Variants in EP400 observed in about 807,000 individuals in gnomAD.
EP400 encodes E1A-binding protein p400.
In EP400, 105 loss-of-function variants were observed where a neutral mutation model predicts 354.1. The ratio of observed to expected loss-of-function variants is 0.30; its 90% CI spans 0.25 to 0.35. The LOEUF (loss-of-function observed/expected upper bound fraction) is 0.35, where lower values mean the gene tolerates loss of function less well. Among genes scored for constraint, EP400 ranks in the 10% least tolerant of loss-of-function variants. The pLI, the probability that EP400 is intolerant of heterozygous loss-of-function variation, is 1.00. For missense variants in EP400, 3,280 were observed against 4,121.0 expected, an observed-to-expected ratio of 0.80 and a Z score of 5.59; for synonymous variants, 1,646 against 1,716.9, an observed-to-expected ratio of 0.96 and a Z score of 1.02.
intron 15 of EP400, among the ~76,000 whole-genome samples, chr12:132,010,639 C>G (rs1258516778): frequency 6.6e-6 from 1 of 152,188 alleles, no homozygotes; most frequent in Non-Finnish European, 1.5e-5. Context: ...CTCTAATAAT[C>G]TTTAAAAACC....
In EP400 at chr12:132,064,738, C is replaced by G; in HGVS notation, c.8405C>G (p.Ser2802Cys). 1 of 1,613,696 alleles carries G rather than the reference C, an allele frequency of 6.2e-7. No individual in the cohort carries two copies. Among genetic ancestry groups the G allele is most frequent in the East Asian group, 2.2e-5 (1 of 44,870 alleles). ...PPQPPPPQAQ[S>C]APPQPTAQVQ... ...CAGCCCCCACCGCCACAGGCCCAGT[C>G]TGCGCCCCCGCAGCCAACAGCCCAA... is the stretch of plus-strand genomic sequence containing the variant. Residue 2802 changes from serine to cysteine, a missense_variant, in exon 48 of 53, where the codon TCT becomes TGT. Physicochemically the swap from Ser to Cys is moderately radical, Grantham distance 112. This residue lies in a region of EP400 where 86 missense variants were observed against 66.4 expected (regional missense o/e 1.29). Coordinates refer to ENST00000389561, the MANE Select transcript of EP400 (RefSeq NM_015409.5).
chr12:132,067,154 C>T lies in EP400; in HGVS notation c.8749+185C>T. On this transcript the variant is annotated intron_variant, in intron 49 of 52. Transcript: ENST00000389561. The surrounding 1 kb of genome is among the most constrained non-coding windows in gnomAD (Gnocchi z 5.3). Reference sequence around the variant, plus strand: ...GCGCAAGGCTGGGTCCTCAATTGAACTGTTAACATTCTGAAATTTCCGTCT... The same window carrying T: ...GCGCAAGGCTGGGTCCTCAATTGAATTGTTAACATTCTGAAATTTCCGTCT... 8.9e-7 allele frequency: 1 copy of T among 1,125,144 alleles called. No homozygotes were observed. Among genetic ancestry groups the T allele is most frequent in the Admixed American group, 2.9e-5 (1 of 35,032 alleles). 69.7% of individuals were successfully genotyped at this position (1,125,144 alleles called of 1,614,324 possible).
intron 1 of EP400, among the ~76,000 whole-genome samples, chr12:131,952,710 C>T (rs1287963890): frequency 6.6e-6 from 1 of 152,174 alleles, no homozygotes; most frequent in Non-Finnish European, 1.5e-5. Flanking sequence ...TCTCAGTCTC[C>T]CACCGTGTTG....
chr12:132,030,783 A>G (rs1894463209), intron 29 of EP400, among the ~76,000 whole-genome samples: 1 of 152,220 alleles, frequency 6.6e-6, no homozygotes, highest in Non-Finnish European at 1.5e-5. Context: ...AGTGTTCAGC[A>G]GAAGAGTGAG....
rs1895514070 is a variant in EP400 at position 132,056,313 on chromosome 12, G to A, written c.7884+1105G>A. 2.6e-5 allele frequency among the ~76,000 whole-genome samples: 4 copies of A among 152,104 alleles called. No homozygotes were observed. In the South Asian group the frequency reaches 8.3e-4, roughly 31 times the overall value. On this transcript the variant is annotated intron_variant, in intron 45 of 52. Transcript: ENST00000389561. ...GGGTTTTGAAAAGCATCTTTCCTGT[G>A]AAGATGTCGTTGCTGTAGTAGCCTA... is the stretch of plus-strand genomic sequence containing the variant.
chr12:132,069,779 G>GGT, intron 51 of EP400, 138 bp downstream of exon 51: 8 of 1,336,736 alleles, frequency 6.0e-6, no homozygotes, highest in Non-Finnish European at 8.1e-6. Flanking sequence ...GTTGTCTCCT[G>GGT]GCCTCAGGTT....
In EP400 at chr12:132,036,227, C is replaced by T. The variant is rs573695809; in HGVS notation, c.5952-1455C>T. 7.0e-5 allele frequency among the ~76,000 whole-genome samples: 10 copies of T among 143,008 alleles called. 1 individual carries two copies. In the South Asian group the frequency reaches 2.0e-3, roughly 29 times the overall value. 93.8% of individuals were successfully genotyped at this position (143,008 alleles called of 152,430 possible). A position where few individuals can be genotyped will look rare whatever the true frequency, so the allele number is the denominator to read the frequency against. On this transcript the variant is annotated intron_variant, in intron 30 of 52. Coordinates refer to ENST00000389561, the MANE Select transcript of EP400 (RefSeq NM_015409.5). ...AGCACACAGCCAGGTTCACGCGGAA[C>T]GTCATGGAAGGACACACCCAGGTTC...
chr12:132,029,067 G>A lies in EP400; in HGVS notation c.5382-634G>A, dbSNP rs1297891010. On this transcript the variant is annotated intron_variant, in intron 27 of 52. Coordinates refer to ENST00000389561, the MANE Select transcript of EP400 (RefSeq NM_015409.5). This position sits in a 1 kb window ranked among gnomAD's most constrained non-coding sequence, Gnocchi z 4.7. ...TGGGAGTGACTATGTCAGTGACCTT[G>A]TGCTCCTGGAGTTTTTCTTTCGAGT... 2 of 152,798 alleles carry A rather than the reference G, an allele frequency of 1.3e-5. No individual in the cohort carries two copies. Among genetic ancestry groups the A allele is most frequent in the Non-Finnish European group, 2.9e-5 (2 of 68,502 alleles). The allele number at this position is 152,798 out of a possible 1,614,324, so 9.5% of individuals were successfully genotyped here.
At position 132,077,692 on chromosome 12, in the gene EP400, C is replaced by G. The variant is rs777827971; in HGVS notation, c.*19C>G. 17 of 1,566,642 alleles carry G rather than the reference C, an allele frequency of 1.1e-5. No individual in the cohort carries two copies. Among genetic ancestry groups the G allele is most frequent in the Non-Finnish European group, 1.5e-5 (17 of 1,158,498 alleles). ...CCAGTAGTCAGGGCAGCAGGGCTGC[C>G]TCTCATCTAAAGCAAAACTACCTTC... On this transcript the variant is annotated 3_prime_UTR_variant, in exon 53 of 53. Coordinates refer to ENST00000389561, the MANE Select transcript of EP400 (RefSeq NM_015409.5).
Position 132,043,450 on chromosome 12 carries a change from C to T in EP400, c.6354C>T (p.Asp2118=), listed in dbSNP as rs1273922108. 1.2e-6 allele frequency: 2 copies of T among 1,612,878 alleles called. No homozygotes were observed. Among genetic ancestry groups the T allele is most frequent in the Non-Finnish European group, 1.7e-6 (2 of 1,179,980 alleles). ...CATCCCAATTAGAGGAGCTAGCTGA[C>T]TTCATGGAGCAGGTTTGGGCATGTT... ...EEPSQLEELA[D]FMEQLTPIEK... The change falls in exon 33 of 53, where the codon GAC becomes GAT. Residue 2118 remains aspartate, a synonymous_variant. Coordinates refer to ENST00000389561, the MANE Select transcript of EP400 (RefSeq NM_015409.5).
chr12:132,066,729 G>A (rs76665196), intron 48 of EP400, 45 bp from the exon 49 acceptor site: 20,442 of 1,567,084 alleles, frequency 0.013, 575 homozygotes, highest in African/African-American at 0.1. Flanking sequence ...AAGACATACC[G>A]TGTCCTGAAT....
Position 131,986,786 on chromosome 12 carries a change from G to A in EP400, c.2202G>A (p.Thr734=), listed in dbSNP as rs374393528. Residue 734 remains threonine, a synonymous_variant, in exon 6 of 53, where the codon ACG becomes ACA. Coordinates refer to ENST00000389561, the MANE Select transcript of EP400 (RefSeq NM_015409.5). ...ATSSQDSSQD[T]LTEQITLENQ... is the part of the protein sequence containing the mutation. ...CGTCCCAAGACAGTTCTCAGGATAC[G>A]CTGACAGAACAAATAACTCTGGTAA... 9.9e-6 allele frequency: 16 copies of A among 1,610,534 alleles called. No homozygotes were observed. Among genetic ancestry groups the A allele is most frequent in the Admixed American group, 6.7e-5 (4 of 59,366 alleles).
At position 132,027,323 on chromosome 12, in the gene EP400, T is replaced by G; in HGVS notation, c.5015-114T>G. On this transcript the variant is annotated intron_variant, in intron 25 of 52. Coordinates refer to ENST00000389561, the MANE Select transcript of EP400 (RefSeq NM_015409.5). This position sits in a 1 kb window ranked among gnomAD's most constrained non-coding sequence, Gnocchi z 4.9. ...GACTTGGGGACATGCCGTTGCAGAA[T>G]GACTTTCTGTGGAGTGTGCTGGTGG... 9.7e-7 allele frequency: 1 copy of G among 1,028,010 alleles called. No homozygotes were observed. The highest frequency in any genetic ancestry group is 1.5e-6 in the Non-Finnish European group (1 of 665,478). 63.7% of individuals were successfully genotyped at this position (1,028,010 alleles called of 1,614,324 possible).
Position 132,013,438 on chromosome 12 carries a change from A to G in EP400, c.3612-52A>G. The G allele has an allele frequency of 6.6e-7, 1 of 1,516,464 alleles. No individual in the cohort carries two copies. Among genetic ancestry groups the G allele is most frequent in the Non-Finnish European group, 8.8e-7 (1 of 1,131,966 alleles). The allele number at this position is 1,516,464 out of a possible 1,614,324, so 93.9% of individuals were successfully genotyped here. ...ACATTGTCAGAGAAGATGCTGCTGC[A>G]GCCAGCCCCGTGGCTGTAGAACTCC... On this transcript the variant is annotated intron_variant, in intron 17 of 52. Coordinates refer to ENST00000389561, the MANE Select transcript of EP400 (RefSeq NM_015409.5). This position sits in a 1 kb window ranked among gnomAD's most constrained non-coding sequence, Gnocchi z 4.5.
At chr12:132,073,802 C>T (rs1896139746) in intron 51 of EP400, among the ~76,000 whole-genome samples, 2 of 151,472 alleles carry the variant, frequency 1.3e-5, no homozygotes, top group Admixed American at 1.3e-4. Context: ...TACTTTCCTT[C>T]CACTTGACCC....
At chr12:131,952,626 A>AT (rs1457996015) in intron 1 of EP400, among the ~76,000 whole-genome samples, 4 of 151,864 alleles carry the variant, frequency 2.6e-5, no homozygotes, top group Non-Finnish European at 5.9e-5. Context: ...CTAATTTTTG[A>AT]TTTTTTGTAG....
At chr12:131,964,180 T>C (rs1018871254) in intron 2 of EP400, among the ~76,000 whole-genome samples, 1 of 152,138 alleles carries the variant, frequency 6.6e-6, no homozygotes, top group African/African-American at 2.4e-5. Context: ...GTAATGCCAA[T>C]AATTTAAAAA....
At chr12:131,992,710 G>T (rs1229718377) in intron 11 of EP400, among the ~76,000 whole-genome samples, 1 of 152,212 alleles carries the variant, frequency 6.6e-6, no homozygotes, top group Non-Finnish European at 1.5e-5. Context: ...AACCCATGTG[G>T]ATTGAGTACA....
chr12:132,068,834 A>T (rs1373521820), intron 50 of EP400: 2 of 152,492 alleles, frequency 1.3e-5, no homozygotes, highest in African/African-American at 4.8e-5. Flanking sequence ...TGGGTGCGTC[A>T]TGGTGGTCCA....
Sources: allele counts gnomAD v4.1 joint callset (sites outside exome capture counted in the v4.1 genomes callset), GRCh38; gene constraint gnomAD v4.1.1; regional missense constraint gnomAD v4.1.1; non-coding constraint Gnocchi (gnomAD v3.1); transcripts MANE v1.5; gene names NCBI Gene and HGNC (gene_info 2026-07-23, HGNC 2026-07-21).